The following LRRC4C variants were observed in gnomAD, a reference collection of about 807,000 sequenced individuals.
LRRC4C encodes leucine-rich repeat-containing protein 4C.
In LRRC4C, 5 loss-of-function variants were observed where a neutral mutation model predicts 33.6. The observed-to-expected ratio is 0.15, with a 90% CI of 0.08 to 0.31. LRRC4C has a LOEUF of 0.31. Among genes scored for constraint, LRRC4C ranks in the 10% least tolerant of loss-of-function variants. LRRC4C has a pLI of 1.00. For synonymous variants in LRRC4C, 329 were observed against 302.0 expected, an observed-to-expected ratio of 1.09 and a Z score of -0.93; for missense variants, 560 against 796.7, an observed-to-expected ratio of 0.70 and a Z score of 3.58.
At chr11:40,409,610 G>A (rs757783913) in intron 3 of LRRC4C, among the ~76,000 whole-genome samples, 2 of 151,940 alleles carry the variant, frequency 1.3e-5, no homozygotes, top group Non-Finnish European at 2.9e-5. Context: ...TCTCACAAAC[G>A]ACCAATAGGT....
intron 4 of LRRC4C, among the ~76,000 whole-genome samples, chr11:40,310,175 G>A (rs1026953970): frequency 6.6e-6 from 1 of 152,092 alleles, no homozygotes; most frequent in African/African-American, 2.4e-5. Context: ...ATTTTGAAGA[G>A]GGTAAAAGTA....
chr11:40,458,131 A>G (rs1318249369), intron 3 of LRRC4C, among the ~76,000 whole-genome samples: 2 of 152,170 alleles, frequency 1.3e-5, no homozygotes, highest in African/African-American at 4.8e-5. Context: ...TGGAATGGAC[A>G]AGATAAAAAG....
intron 4 of LRRC4C, among the ~76,000 whole-genome samples, chr11:40,283,337 T>C (rs77010305): frequency 0.012 from 1,771 of 152,328 alleles, 35 homozygotes; most frequent in African/African-American, 0.04. Flanking sequence ...TTTGGCTCAA[T>C]TTATATAAAA....
intron 2 of LRRC4C, among the ~76,000 whole-genome samples, chr11:40,779,111 C>G (rs997870637): frequency 6.6e-6 from 1 of 151,822 alleles, no homozygotes; most frequent in Non-Finnish European, 1.5e-5. Context: ...TGTCCAGAAC[C>G]AGAGTAGTAG....
intron 1 of LRRC4C, among the ~76,000 whole-genome samples, chr11:41,268,507 C>T (rs188918911): frequency 6.6e-6 from 1 of 152,178 alleles, no homozygotes; most frequent in Non-Finnish European, 1.5e-5. Flanking sequence ...TACTTAGCAA[C>T]CAGACTCTTC....
chr11:40,701,155 A>G (rs987324884), intron 2 of LRRC4C, among the ~76,000 whole-genome samples: 7 of 152,284 alleles, frequency 4.6e-5, no homozygotes, highest in East Asian at 1.9e-4. Flanking sequence ...AAAGATCTCA[A>G]TTGAACAGCT....
At chr11:40,404,734 A>C (rs1186071482) in intron 3 of LRRC4C, among the ~76,000 whole-genome samples, 1 of 152,046 alleles carries the variant, frequency 6.6e-6, no homozygotes, top group Non-Finnish European at 1.5e-5. Flanking sequence ...CCATGTTAAA[A>C]ATGTAGAGCA....
At chr11:40,296,952 G>T (rs367639725) in intron 4 of LRRC4C, among the ~76,000 whole-genome samples, 10 of 152,166 alleles carry the variant, frequency 6.6e-5, no homozygotes, top group African/African-American at 2.4e-4. Context: ...TAGCATGCTA[G>T]ATTTGTTCTA....
At chr11:40,291,850 G>T (rs1006586209) in intron 4 of LRRC4C, among the ~76,000 whole-genome samples, 1 of 151,886 alleles carries the variant, frequency 6.6e-6, no homozygotes, top group Non-Finnish European at 1.5e-5. Flanking sequence ...TAACTCCGGG[G>T]CTGACAAACA....
In LRRC4C at chr11:40,368,789, C is replaced by A. The variant is rs558436782; in HGVS notation, c.-269-49068G>T. The stretch of plus-strand genomic sequence containing the variant: ...TGCTGATGTGAATGTTACCCGTCCC[C>A]TGGGCTTTGCAGACAAACAGACCAG... On this transcript the variant is annotated intron_variant, in intron 3 of 6. Transcript: ENST00000528697. 6.4e-4 allele frequency among the ~76,000 whole-genome samples: 97 copies of A among 152,248 alleles called. 1 individual carries two copies. Among genetic ancestry groups the A allele is most frequent in the Non-Finnish European group, 1.1e-3 (78 of 68,018 alleles).
intron 2 of LRRC4C, among the ~76,000 whole-genome samples, chr11:40,886,337 C>G (rs1021756044): frequency 2.0e-5 from 3 of 149,186 alleles, no homozygotes; most frequent in South Asian, 4.4e-4. Context: ...GGAGAAATAG[C>G]CAGTAGGAGT....
intron 1 of LRRC4C, among the ~76,000 whole-genome samples, chr11:41,281,294 C>T (rs2136934863): frequency 6.6e-6 from 1 of 152,182 alleles, no homozygotes; most frequent in South Asian, 2.1e-4. Flanking sequence ...TAAATTTCTG[C>T]CCGCATCACA....
intron 3 of LRRC4C, among the ~76,000 whole-genome samples, chr11:40,546,820 A>G (rs1217808419): frequency 1.3e-5 from 2 of 152,100 alleles, no homozygotes; most frequent in African/African-American, 2.4e-5. Context: ...TAAAGATGGA[A>G]AAAACAGAGA....
chr11:41,391,256 A>T (rs528967637), intron 1 of LRRC4C, among the ~76,000 whole-genome samples: 1 of 152,014 alleles, frequency 6.6e-6, no homozygotes, highest in African/African-American at 2.4e-5. Context: ...TACACTAAAT[A>T]CACAACTCAA....
chr11:40,806,556 C>A (rs1011984775), intron 2 of LRRC4C, among the ~76,000 whole-genome samples: 1 of 152,172 alleles, frequency 6.6e-6, no homozygotes, highest in African/African-American at 2.4e-5. Context: ...TCACAATGAC[C>A]CCCTCCTTTT....
intron 2 of LRRC4C, among the ~76,000 whole-genome samples, chr11:40,716,676 C>T (rs970373609): frequency 5.9e-5 from 9 of 152,120 alleles, no homozygotes; most frequent in African/African-American, 2.2e-4. Context: ...AATCTCAATA[C>T]CTCATTTTAT....
Position 40,115,676 on chromosome 11 carries a change from A to G in LRRC4C, c.617T>C (p.Met206Thr). 2.5e-6 allele frequency: 4 copies of G among 1,614,192 alleles called. No individual in the cohort carries two copies. The highest frequency in any genetic ancestry group is 1.7e-6 in the Non-Finnish European group (2 of 1,180,024). ...GTTAGGGATTTCCCGAAGGTTGCAC[A>G]TGGCAAGGTTCAAATACCTCAAGTT... Reference protein sequence around the residue: ...LSNLRYLNLAMCNLREIPNLT... With the variant: ...LSNLRYLNLATCNLREIPNLT... The change falls in exon 7 of 7, where the codon ATG (methionine) becomes ACG (threonine). Residue 206 changes from methionine to threonine, a missense_variant. Transcript: ENST00000528697. This position sits in a 1 kb window ranked among gnomAD's most constrained non-coding sequence, Gnocchi z 6.7.
Position 41,307,272 on chromosome 11 carries a change from C to CA in LRRC4C, c.-496+152158dup, listed in dbSNP as rs1038370029. ...TATGAGCTTAATTAAGTTTCTATTTCAAAAAAAAAAGAAGACGATTCCTCC... is the reference window on the plus strand; with the variant it reads ...TATGAGCTTAATTAAGTTTCTATTTCAAAAAAAAAAAGAAGACGATTCCTCC... On this transcript the variant is annotated intron_variant, in intron 1 of 6. Coordinates refer to ENST00000528697, the MANE Select transcript of LRRC4C (RefSeq NM_001258419.2). 1.8e-4 allele frequency among the ~76,000 whole-genome samples: 26 copies of CA among 147,030 alleles called. 1 individual carries two copies. Among genetic ancestry groups the CA allele is most frequent in the East Asian group, 7.9e-4 (4 of 5,058 alleles).
At chr11:41,340,012 C>T (rs1397993696) in intron 1 of LRRC4C, among the ~76,000 whole-genome samples, 3 of 152,068 alleles carry the variant, frequency 2.0e-5, no homozygotes. Flanking sequence ...GAAATATTTC[C>T]TAAATATTTG....
Sources: allele counts gnomAD v4.1 joint callset (sites outside exome capture counted in the v4.1 genomes callset), GRCh38; gene constraint gnomAD v4.1.1; non-coding constraint Gnocchi (gnomAD v3.1); transcripts MANE v1.5; gene names NCBI Gene and HGNC (gene_info 2026-07-23, HGNC 2026-07-21).